The following TEKT5 variants were observed in gnomAD, a reference collection of about 807,000 sequenced individuals.
TEKT5 encodes the protein tektin 5.
A neutral mutation model predicts 48.7 loss-of-function variants in TEKT5; 52 were observed. The ratio of observed to expected loss-of-function variants is 1.07; its 90% CI spans 0.86 to 1.35. The LOEUF (loss-of-function observed/expected upper bound fraction) is 1.35, where lower values mean the gene tolerates loss of function less well. Among genes scored for constraint, TEKT5 ranks in the 40% most tolerant of loss-of-function variants. The pLI is 0.00. For synonymous variants in TEKT5, 318 were observed against 267.6 expected, an observed-to-expected ratio of 1.19 and a Z score of -1.84; for missense variants, 831 against 641.6, an observed-to-expected ratio of 1.30 and a Z score of -3.19.
chr16:10,659,732 T>C (rs1053798013), intron 5 of TEKT5, among the ~76,000 whole-genome samples: 2 of 152,026 alleles, frequency 1.3e-5, no homozygotes, highest in African/African-American at 4.8e-5. Flanking sequence ...ACATTCAAAA[T>C]AAGAAAACCA....
At chr16:10,684,703 C>T (rs929522987) in intron 3 of TEKT5, among the ~76,000 whole-genome samples, 1 of 152,182 alleles carries the variant, frequency 6.6e-6, no homozygotes, top group Non-Finnish European at 1.5e-5. Flanking sequence ...TGTCCAGCTG[C>T]CTGGCCCTTG....
Position 10,690,167 on chromosome 16 carries a change from T to C in TEKT5, c.565-142A>G, listed in dbSNP as rs149716418. ...CTTCATGTGACCTCACTACTGGGCA[T>C]TGGATGGGCTTCTGCCTCCCCTTCT... On this transcript the variant is annotated intron_variant, in intron 1 of 6. Transcript: ENST00000283025. 187 of 745,660 alleles carry C rather than the reference T, an allele frequency of 2.5e-4. No individual in the cohort carries two copies. The East Asian group carries it at 4.4e-3, about 17-fold the overall frequency. 46.2% of individuals were successfully genotyped at this position (745,660 alleles called of 1,614,324 possible). A position where few individuals can be genotyped will look rare whatever the true frequency, so the allele number is the denominator to read the frequency against.
At chr16:10,653,291 G>A (rs148689531) in intron 5 of TEKT5, among the ~76,000 whole-genome samples, 30 of 152,278 alleles carry the variant, frequency 2.0e-4, no homozygotes, top group East Asian at 1.7e-3. Flanking sequence ...GGGTGGTGGC[G>A]TAGACGGCTC....
chr16:10,633,853 T>C (rs1396305395), intron 6 of TEKT5, among the ~76,000 whole-genome samples: 4 of 152,144 alleles, frequency 2.6e-5, no homozygotes, highest in East Asian at 1.9e-4. Context: ...TTGGATCAAT[T>C]TGCCTGCCCC....
chr16:10,665,264 C>A (rs1321330529), intron 5 of TEKT5, among the ~76,000 whole-genome samples: 1 of 152,128 alleles, frequency 6.6e-6, no homozygotes, highest in Non-Finnish European at 1.5e-5. Context: ...GAGATGACAC[C>A]GCAACCCTCT....
intron 3 of TEKT5, among the ~76,000 whole-genome samples, chr16:10,683,259 G>A (rs1898788884): frequency 2.1e-5 from 1 of 47,702 alleles, no homozygotes; most frequent in Admixed American, 2.5e-4. Context: ...AGATGTTTAG[G>A]GACCTCAGGA....
chr16:10,694,237 G>T (rs1275090523), intron 1 of TEKT5, 73 bp downstream of exon 1: 38 of 1,462,160 alleles, frequency 2.6e-5, no homozygotes, highest in Non-Finnish European at 6.4e-6. Flanking sequence ...TTCATCTTCA[G>T]TCAAGGGAAG....
Position 10,677,467 on chromosome 16 carries a change from G to T in TEKT5, c.864-1286C>A, listed in dbSNP as rs530505867. ...TCTACTAAAAATATAAAAATTAGCCGGGTGTGGTGGCACACGCCTGTAATC... is the reference window on the plus strand; with the variant it reads ...TCTACTAAAAATATAAAAATTAGCCTGGTGTGGTGGCACACGCCTGTAATC... On this transcript the variant is annotated intron_variant, in intron 4 of 6. Coordinates refer to ENST00000283025, the MANE Select transcript of TEKT5 (RefSeq NM_144674.2). Among the ~76,000 whole-genome samples, 4 of 146,222 alleles carry T rather than the reference G, an allele frequency of 2.7e-5. No individual in the cohort carries two copies. The Middle Eastern group carries it at 0.01, about 378-fold the overall frequency.
chr16:10,644,492 T>C (rs964780583), intron 5 of TEKT5, among the ~76,000 whole-genome samples: 2 of 152,308 alleles, frequency 1.3e-5, no homozygotes, highest in Non-Finnish European at 2.9e-5. Context: ...CTTGCTTAAA[T>C]GTCACCTCCA....
intron 5 of TEKT5, among the ~76,000 whole-genome samples, chr16:10,640,055 C>CTTTT: frequency 6.7e-6 from 1 of 149,796 alleles, no homozygotes; most frequent in African/African-American, 2.5e-5. Flanking sequence ...CTTCCTCCTC[C>CTTTT]TCCTCCTTTT....
intron 5 of TEKT5, among the ~76,000 whole-genome samples, chr16:10,638,716 T>G (rs918765934): frequency 2.0e-5 from 3 of 152,192 alleles, no homozygotes; most frequent in Admixed American, 2.0e-4. Context: ...ACTGCTACCT[T>G]ATACAAGACC....
chr16:10,653,391 C>T (rs963616577), intron 5 of TEKT5, among the ~76,000 whole-genome samples: 3 of 152,214 alleles, frequency 2.0e-5, no homozygotes, highest in African/African-American at 7.2e-5. Flanking sequence ...GAGCAGGAGT[C>T]CTAAGCCTCC....
intron 5 of TEKT5, among the ~76,000 whole-genome samples, chr16:10,660,459 C>T (rs1003934157): frequency 6.6e-5 from 10 of 152,100 alleles, no homozygotes; most frequent in African/African-American, 2.2e-4. Context: ...GTTCCCATCT[C>T]AGCCCTAACA....
chr16:10,676,209 C>A (rs1898644450), intron 4 of TEKT5, 28 bp from the exon 5 acceptor site: 1 of 1,609,762 alleles, frequency 6.2e-7, no homozygotes, highest in Non-Finnish European at 8.5e-7. Context: ...TGAGTTGCAG[C>A]AGTCCTGGAA....
intron 5 of TEKT5, among the ~76,000 whole-genome samples, chr16:10,663,802 T>C (rs904966972): frequency 1.3e-5 from 2 of 152,228 alleles, no homozygotes; most frequent in Non-Finnish European, 1.5e-5. Context: ...TCTCCAGATA[T>C]TGGCAAATGC....
intron 5 of TEKT5, among the ~76,000 whole-genome samples, chr16:10,654,451 G>A (rs111798590): frequency 0.034 from 5,159 of 152,234 alleles, 291 homozygotes; most frequent in African/African-American, 0.11. Context: ...TTATTTTGAG[G>A]TGTGTCTGTG....
chr16:10,638,522 C>T (rs767955293), intron 5 of TEKT5, among the ~76,000 whole-genome samples: 2 of 152,224 alleles, frequency 1.3e-5, no homozygotes, highest in East Asian at 1.9e-4. Flanking sequence ...GCCATGATGG[C>T]CTTCAATGAT....
At chr16:10,645,184 C>G (rs1019341131) in intron 5 of TEKT5, among the ~76,000 whole-genome samples, 4 of 152,154 alleles carry the variant, frequency 2.6e-5, no homozygotes, top group African/African-American at 4.8e-5. Context: ...CAAGCCCCCC[C>G]AGTTATTGCA....
intron 5 of TEKT5, 102 bp from the exon 6 acceptor site, chr16:10,636,020 G>T (rs780186575): frequency 9.8e-6 from 15 of 1,524,192 alleles, no homozygotes; most frequent in Admixed American, 7.5e-5. Flanking sequence ...CTCCAGCCAG[G>T]CACTTAAGAT....
Sources: gnomAD v4.1 joint callset for allele counts (sites outside exome capture counted in the v4.1 genomes callset) on GRCh38, gnomAD v4.1.1 for gene constraint, MANE v1.5 for transcripts, NCBI Gene and HGNC (gene_info 2026-07-23, HGNC 2026-07-21) for gene names.